Variants in PARP3 observed in about 807,000 individuals in gnomAD.
The protein encoded by PARP3 is protein mono-ADP-ribosyltransferase PARP3.
Under a neutral mutation model 58.2 loss-of-function variants are expected in PARP3, and 46 were observed. The ratio of observed to expected loss-of-function variants is 0.79; its 90% confidence interval spans 0.62 to 1.01. The LOEUF (loss-of-function observed/expected upper bound fraction) is 1.01. Among genes scored for constraint, PARP3 ranks in the 50% least tolerant of loss-of-function variants. The pLI, the probability that PARP3 is intolerant of heterozygous loss-of-function variation, is 0.00. For missense variants in PARP3, 663 were observed against 683.9 expected (o/e 0.97, Z 0.34); for synonymous variants, 252 against 266.4 (o/e 0.95, Z 0.53).
At chr3:51,945,354 G>A in intron 6 of PARP3, 130 bp downstream of exon 6, 1 of 1,367,656 alleles carries the variant, frequency 7.3e-7, no homozygotes, top group Admixed American at 2.1e-5. Context: ...AGACGGGTGG[G>A]GAAGGCTGGG....
At chr3:51,943,277 G>T in intron 1 of PARP3, 77 bp from the exon 2 acceptor site, 1 of 1,389,544 alleles carries the variant, frequency 7.2e-7, no homozygotes, top group Non-Finnish European at 9.7e-7. Context: ...GCCCAGGGCA[G>T]GGGTGGGGAC....
rs373040262 is a variant in PARP3 at position 51,942,663 on chromosome 3, G to A, written c.-48G>A. 4.3e-6 allele frequency: 6 copies of A among 1,399,642 alleles called. No homozygotes were observed. The highest frequency in any genetic ancestry group is 6.0e-6 in the Non-Finnish European group (6 of 1,004,252). 86.7% of individuals were successfully genotyped at this position (1,399,642 alleles called of 1,614,324 possible). ...CTGCCCTGGGAGGCGCACACAACCA[G>A]GCCGGGTGGCAGCCAGGACCTCTCC... On this transcript the variant is annotated 5_prime_UTR_variant, in exon 1 of 11. Transcript: ENST00000398755.
Position 51,944,677 on chromosome 3 carries a change from C to T in PARP3, c.501+99C>T. 6.4e-7 allele frequency: 1 copy of T among 1,573,456 alleles called. No homozygotes were observed. Among genetic ancestry groups the T allele is most frequent in the Non-Finnish European group, 8.7e-7 (1 of 1,155,754 alleles). On this transcript the variant is annotated intron_variant, in intron 4 of 10. Transcript: ENST00000398755. The surrounding 1 kb of genome is among the most constrained non-coding windows in gnomAD (Gnocchi z 4.2). ...GCTCTGCCACTGCCCAGCTGCGCAG[C>T]CTCAGCCACAGAACTCCCCTCTGGC...
intron 2 of PARP3, 32 bp downstream of exon 2, chr3:51,943,570 C>T: frequency 2.5e-6 from 4 of 1,583,524 alleles, no homozygotes; most frequent in South Asian, 2.3e-5. Flanking sequence ...GGCCCAGAGC[C>T]TGCCCACTGA....
rs1217477619 is a variant in PARP3, at chr3:51,945,600, A to C, written c.967A>C (p.Lys323Gln). The C allele has an allele frequency of 1.2e-6, 2 of 1,613,802 alleles. No individual in the cohort carries two copies. The highest frequency in any genetic ancestry group is 2.7e-5 in the African/African-American group (2 of 74,902). ...CCTGGACCGAGACTACCAGCTTCTC[A>C]AGTGCCAGCTGCAGCTGCTAGACTC... ...HPLDRDYQLL[K>Q]CQLQLLDSGA... Residue 323 changes from lysine to glutamine, a missense_variant, in exon 7 of 11, where the codon AAG becomes CAG. Around this residue, in one of 3 missense-constraint regions of PARP3, gnomAD observed 567 missense variants for 553.6 expected, o/e 1.02. Transcript: ENST00000398755.
At position 51,948,685 on chromosome 3, in the gene PARP3, T is replaced by G; in HGVS notation, c.*205T>G. The G allele has an allele frequency of 3.6e-6, 2 of 549,974 alleles. No individual in the cohort carries two copies. The highest frequency in any genetic ancestry group is 3.2e-6 in the Non-Finnish European group (1 of 313,246). The allele number at this position is 549,974 out of a possible 1,614,324, so 34.1% of individuals were successfully genotyped here. A position where few individuals can be genotyped will look rare whatever the true frequency, so the allele number is the denominator to read the frequency against. On this transcript the variant is annotated 3_prime_UTR_variant, in exon 11 of 11. Coordinates refer to ENST00000398755, the MANE Select transcript of PARP3 (RefSeq NM_001003931.4). ...CTTTGACACATCTGCCCAGTCCCTCTCCTCCCAGCCCATGGTAACCAGCAT... is the reference window on the plus strand; with the variant it reads ...CTTTGACACATCTGCCCAGTCCCTCGCCTCCCAGCCCATGGTAACCAGCAT...
At chr3:51,947,229 G>A (rs1333451763) in intron 9 of PARP3, among the ~76,000 whole-genome samples, 1 of 152,192 alleles carries the variant, frequency 6.6e-6, no homozygotes, top group Non-Finnish European at 1.5e-5. Context: ...CTCCACCCAG[G>A]CTGTCCCCAT....
intron 9 of PARP3, among the ~76,000 whole-genome samples, chr3:51,947,305 G>A (rs1470647447): frequency 6.6e-6 from 1 of 152,212 alleles, no homozygotes; most frequent in East Asian, 1.9e-4. Context: ...GAACAGATGG[G>A]GCTGAAGTTC....
chr3:51,944,686 C>T lies in PARP3; in HGVS notation c.502-92C>T. ...CTGCCCAGCTGCGCAGCCTCAGCCA[C>T]AGAACTCCCCTCTGGCCTCAGGCTG... On this transcript the variant is annotated intron_variant, in intron 4 of 10. Transcript: ENST00000398755. The surrounding 1 kb of genome is among the most constrained non-coding windows in gnomAD (Gnocchi z 4.2). The T allele has an allele frequency of 6.4e-7, 1 of 1,572,856 alleles. No homozygotes were observed. The highest frequency in any genetic ancestry group is 1.2e-5 in the South Asian group (1 of 85,612).
chr3:51,944,137 A>C lies in PARP3; in HGVS notation c.232A>C (p.Asn78His). 1.2e-6 allele frequency: 2 copies of C among 1,613,468 alleles called. No individual in the cohort carries two copies. Among genetic ancestry groups the C allele is most frequent in the Non-Finnish European group, 1.7e-6 (2 of 1,179,784 alleles). The change falls in exon 3 of 11, where the codon AAC (asparagine) becomes CAC (histidine). Residue 78 changes from asparagine (N) to histidine (H), a missense_variant. Asn to His is a moderately conservative substitution (Grantham distance 68). Coordinates refer to ENST00000398755, the MANE Select transcript of PARP3 (RefSeq NM_001003931.4). This position sits in a 1 kb window ranked among gnomAD's most constrained non-coding sequence, Gnocchi z 4.2. ...CCTGAACCAGACCAACATCGAGAAC[A>C]ACAACAACAAGTTCTACATCATCCA... ...CTLNQTNIEN[N>H]NNKFYIIQLL...
At chr3:51,947,697 A>G (rs954239949) in intron 9 of PARP3, 43 bp from the exon 10 acceptor site, 46 of 1,609,666 alleles carry the variant, frequency 2.9e-5, no homozygotes, top group Non-Finnish European at 3.7e-5. Flanking sequence ...GGTCAGCAGG[A>G]GGCAGGCTGA....
At chr3:51,943,926 G>A (rs933565628) in intron 2 of PARP3, among the ~76,000 whole-genome samples, 163 bp from the exon 3 acceptor site, 7 of 135,470 alleles carry the variant, frequency 5.2e-5, no homozygotes, top group Admixed American at 1.6e-4. Flanking sequence ...CTCTCACACC[G>A]CATCCCCTAG....
rs1027753378 is a variant in PARP3 at position 51,946,208 on chromosome 3, C to G, written c.1141C>G (p.Leu381Val). The change falls in exon 9 of 11, where the codon CTG (leucine) becomes GTG (valine). Residue 381 changes from leucine (L) to valine (V), a missense_variant. Leu to Val is a conservative substitution (Grantham distance 32). Transcript: ENST00000398755. This position sits in a 1 kb window ranked among gnomAD's most constrained non-coding sequence, Gnocchi z 4.6. ...CCACTCCAAACTGGGTAATCGGAAGCTGCTGTGGCATGGCACCAACATGGC... is the reference window on the plus strand; with the variant it reads ...CCACTCCAAACTGGGTAATCGGAAGGTGCTGTGGCATGGCACCAACATGGC... ...QAHSKLGNRK[L>V]LWHGTNMAVV... The G allele has an allele frequency of 1.2e-6, 2 of 1,611,932 alleles. No homozygotes were observed. The highest frequency in any genetic ancestry group is 1.7e-6 in the Non-Finnish European group (2 of 1,178,770).
rs1243002033 is a variant in PARP3, at chr3:51,944,902, T to A, written c.626T>A (p.Met209Lys). 2 of 1,613,684 alleles carry A rather than the reference T, an allele frequency of 1.2e-6. No homozygotes were observed. Among genetic ancestry groups the A allele is most frequent in the African/African-American group, 2.7e-5 (2 of 74,896 alleles). Residue 209 changes from methionine to lysine, a missense_variant, in exon 5 of 11, where the codon ATG (methionine) becomes AAG (lysine). By Grantham distance (95) the Met-to-Lys change is moderately conservative. Transcript: ENST00000398755. This position sits in a 1 kb window ranked among gnomAD's most constrained non-coding sequence, Gnocchi z 4.2. Reference sequence around the variant, plus strand: ...ATGTTCAAGAACACCATGGCCCTCATGGACCTGGGTGAGGGGTGAGAGGCA... The same window carrying A: ...ATGTTCAAGAACACCATGGCCCTCAAGGACCTGGGTGAGGGGTGAGAGGCA... ...KEMFKNTMAL[M>K]DLDVKKMPLG...
intron 1 of PARP3, chr3:51,942,914 C>T: frequency 7.1e-7 from 1 of 1,417,666 alleles, no homozygotes; most frequent in Non-Finnish European, 9.2e-7. Context: ...GATCCTCTGC[C>T]CACCCTCCCC....
rs1054254554 is a variant in PARP3 at position 51,947,578 on chromosome 3, G to A, written c.1277-162G>A. 36 of 703,888 alleles carry A rather than the reference G, an allele frequency of 5.1e-5. No individual in the cohort carries two copies. In the East Asian group the frequency reaches 9.2e-4, roughly 18 times the overall value. The allele number at this position is 703,888 out of a possible 1,614,324, so 43.6% of individuals were successfully genotyped here. A position where few individuals can be genotyped will look rare whatever the true frequency, so the allele number is the denominator to read the frequency against. On this transcript the variant is annotated intron_variant, in intron 9 of 10. Coordinates refer to ENST00000398755, the MANE Select transcript of PARP3 (RefSeq NM_001003931.4). Reference sequence around the variant, plus strand: ...CCATAGGGAGCACAGTGAGGTGGGAGGGAGCAGGCCGGGACAAGGAGGGAG... The same window carrying A: ...CCATAGGGAGCACAGTGAGGTGGGAAGGAGCAGGCCGGGACAAGGAGGGAG...
chr3:51,947,958 T>C (rs554567689), intron 10 of PARP3, 63 bp downstream of exon 10: 40,642 of 1,521,882 alleles, frequency 0.027, 682 homozygotes, highest in Non-Finnish European at 0.032. Context: ...GGCTGGGACA[T>C]TTTCAGGGAG....
chr3:51,943,017 T>A, intron 1 of PARP3: 1 of 1,395,900 alleles, frequency 7.2e-7, no homozygotes, highest in Non-Finnish European at 9.3e-7. Context: ...AGAGCCTCCT[T>A]TCACTTTCCC....
chr3:51,944,539 A>T lies in PARP3; in HGVS notation c.462A>T (p.Glu154Asp). The T allele has an allele frequency of 3.1e-6, 5 of 1,614,220 alleles. No homozygotes were observed. The highest frequency in any genetic ancestry group is 3.4e-6 in the Non-Finnish European group (4 of 1,180,028). Reference protein sequence around the residue: ...VSHPGKYTLIEVQAEDEAQEA... With the variant: ...VSHPGKYTLIDVQAEDEAQEA... ...ACCCGGGCAAGTACACACTTATCGA[A>T]GTACAGGCAGAGGATGAGGCCCAGG... The change falls in exon 4 of 11, where the codon GAA becomes GAT. Residue 154 changes from glutamate (E) to aspartate (D), a missense_variant. Around this residue, in one of 3 missense-constraint regions of PARP3, gnomAD observed 567 missense variants for 553.6 expected, o/e 1.02. Coordinates refer to ENST00000398755, the MANE Select transcript of PARP3 (RefSeq NM_001003931.4). The surrounding 1 kb of genome is among the most constrained non-coding windows in gnomAD (Gnocchi z 4.2).
Sources: gnomAD v4.1 joint callset for allele counts (sites outside exome capture counted in the v4.1 genomes callset) on GRCh38, gnomAD v4.1.1 for gene constraint, gnomAD v4.1.1 regional missense constraint, Gnocchi (gnomAD v3.1) non-coding constraint, MANE v1.5 for transcripts, NCBI Gene and HGNC (gene_info 2026-07-23, HGNC 2026-07-21) for gene names.